Variants in ILDR2 observed in about 807,000 individuals in gnomAD.
The protein encoded by ILDR2 is immunoglobulin like domain containing receptor 2, also known as immunoglobulin-like domain-containing receptor 2.
Under a neutral mutation model 66.8 loss-of-function variants are expected in ILDR2, and 25 were observed. That is an observed-to-expected ratio of 0.37 (90% CI 0.27 to 0.52). The LOEUF is 0.52. Ranked by LOEUF, ILDR2 falls within the 20% of genes least tolerant of loss-of-function variation. ILDR2 has a pLI of 0.88. For synonymous variants in ILDR2, 367 were observed against 357.2 expected (o/e 1.03, Z -0.31); for missense variants, 827 against 876.8 (o/e 0.94, Z 0.72).
chr1:166,917,686 G>A lies in ILDR2; in HGVS notation c.*1669C>T, dbSNP rs1659696127. The A allele has an allele frequency of 6.6e-6, 1 of 152,218 alleles. No individual in the cohort carries two copies. Among genetic ancestry groups the A allele is most frequent in the African/African-American group, 2.4e-5 (1 of 41,448 alleles). 9.4% of individuals were successfully genotyped at this position (152,218 alleles called of 1,614,324 possible). ...AACGAGTCAGGTTTGTTCTTAAAGAGAAATGAACATAAAGAATGCACCAAC... is the reference window on the plus strand; with the variant it reads ...AACGAGTCAGGTTTGTTCTTAAAGAAAAATGAACATAAAGAATGCACCAAC... On this transcript the variant is annotated 3_prime_UTR_variant, in exon 10 of 10. Coordinates refer to ENST00000271417, the MANE Select transcript of ILDR2 (RefSeq NM_199351.3).
At chr1:166,969,741 A>C (rs1052549977) in intron 1 of ILDR2, among the ~76,000 whole-genome samples, 2 of 152,230 alleles carry the variant, frequency 1.3e-5, no homozygotes, top group African/African-American at 4.8e-5. Flanking sequence ...TGTTCACCTA[A>C]ATCAGGAGTT....
intron 2 of ILDR2, among the ~76,000 whole-genome samples, chr1:166,900,072 T>C (rs1176771756): frequency 2.0e-5 from 3 of 152,182 alleles, no homozygotes; most frequent in African/African-American, 4.8e-5. Context: ...TGTCAGTATA[T>C]ATCTCTCTCC....
intron 3 of ILDR2, among the ~76,000 whole-genome samples, chr1:166,949,208 T>C (rs1195793173): frequency 2.0e-5 from 3 of 152,258 alleles, no homozygotes; most frequent in African/African-American, 7.2e-5. Context: ...ACCCACTAGA[T>C]GCCACAGCAT....
chr1:166,966,978 C>T (rs1024143485), intron 1 of ILDR2, among the ~76,000 whole-genome samples: 1 of 152,236 alleles, frequency 6.6e-6, no homozygotes, highest in Non-Finnish European at 1.5e-5. Context: ...GTTATGCAAG[C>T]ACCTCAAACT....
At chr1:166,946,534 C>T (rs1043308100) in intron 3 of ILDR2, among the ~76,000 whole-genome samples, 2 of 152,132 alleles carry the variant, frequency 1.3e-5, no homozygotes, top group Admixed American at 1.3e-4. Context: ...GCCTAAGGAG[C>T]TGACTTCTAT....
At chr1:166,959,977 T>C (rs1340192497) in intron 1 of ILDR2, among the ~76,000 whole-genome samples, 1 of 152,184 alleles carries the variant, frequency 6.6e-6, no homozygotes, top group Non-Finnish European at 1.5e-5. Flanking sequence ...TTAGTGCCAG[T>C]GTTCACAATG....
intron 8 of ILDR2, 92 bp downstream of exon 8, chr1:166,922,501 C>A (rs1660010636): frequency 2.2e-6 from 2 of 907,166 alleles, no homozygotes; most frequent in Non-Finnish European, 1.8e-6. Flanking sequence ...GACAGAGATG[C>A]TACTGGATGG....
At chr1:166,974,851 G>C (rs1663500934) in intron 1 of ILDR2, among the ~76,000 whole-genome samples, 1 of 152,140 alleles carries the variant, frequency 6.6e-6, no homozygotes, top group African/African-American at 2.4e-5. Flanking sequence ...ATTCCAGCCA[G>C]GCTTTTCACA....
rs1571223315 is a variant in ILDR2, at chr1:166,973,122, T to C, written c.46+2101A>G. Among the ~76,000 whole-genome samples, 4 of 152,172 alleles carry C rather than the reference T, an allele frequency of 2.6e-5. No individual in the cohort carries two copies. The South Asian group carries it at 8.3e-4, about 32-fold the overall frequency. ...ATCAATGGGATCCCAGGAGTCAGTC[T>C]CACTTTTGGAGCAAAGAATCCCCAG... On this transcript the variant is annotated intron_variant, in intron 1 of 9. Coordinates refer to ENST00000271417, the MANE Select transcript of ILDR2 (RefSeq NM_199351.3).
intron 1 of ILDR2, among the ~76,000 whole-genome samples, chr1:166,964,508 A>G (rs532949517): frequency 1.3e-5 from 2 of 152,226 alleles, no homozygotes; most frequent in Non-Finnish European, 2.9e-5. Context: ...GTGAAGCTAA[A>G]AAATGTGGAA....
At chr1:166,948,289 T>C (rs1661760305) in intron 3 of ILDR2, among the ~76,000 whole-genome samples, 1 of 152,110 alleles carries the variant, frequency 6.6e-6, no homozygotes, top group Admixed American at 6.5e-5. Context: ...ACAGTTCCGG[T>C]TTATGCCTGT....
intron 3 of ILDR2, among the ~76,000 whole-genome samples, chr1:166,948,930 A>G (rs866607425): frequency 9.9e-5 from 15 of 152,182 alleles, no homozygotes; most frequent in Middle Eastern, 3.2e-3. Context: ...TGTAAATTTT[A>G]TTACCCCTCC....
rs149710395 is a variant in ILDR2, at chr1:166,927,166, G to A, written c.895C>T (p.Arg299Trp). Residue 299 changes from arginine (R) to tryptophan (W), a missense_variant, in exon 7 of 10, where the codon CGG becomes TGG. Transcript: ENST00000271417. Reference sequence around the variant, plus strand: ...TCTCTCTCTTTGTCAGCCTGGATCCGGTAACCTTTGCGAACTGTTGAGAAA... The same window carrying A: ...TCTCTCTCTTTGTCAGCCTGGATCCAGTAACCTTTGCGAACTGTTGAGAAA... The part of the protein sequence containing the change: ...GGSHSVRKGY[R>W]IQADKERDSM... 3.7e-6 allele frequency: 6 copies of A among 1,612,494 alleles called. No homozygotes were observed. Among genetic ancestry groups the A allele is most frequent in the East Asian group, 4.5e-5 (2 of 44,802 alleles).
At chr1:166,943,887 A>G (rs1418067316) in intron 3 of ILDR2, 4 of 974,484 alleles carry the variant, frequency 4.1e-6, no homozygotes, top group African/African-American at 1.8e-5. Flanking sequence ...AGAAGGCCAC[A>G]TTTACTCTTT....
intron 3 of ILDR2, among the ~76,000 whole-genome samples, chr1:166,948,038 C>A (rs1304277813): frequency 6.6e-6 from 1 of 152,104 alleles, no homozygotes; most frequent in Non-Finnish European, 1.5e-5. Flanking sequence ...TACGTCAAAC[C>A]CCCACCTCTT....
At chr1:166,971,572 C>T (rs975999802) in intron 1 of ILDR2, among the ~76,000 whole-genome samples, 1 of 152,174 alleles carries the variant, frequency 6.6e-6, no homozygotes, top group Non-Finnish European at 1.5e-5. Flanking sequence ...GCAATCCTCC[C>T]ACTCAGGCCC....
intron 6 of ILDR2, among the ~76,000 whole-genome samples, chr1:166,930,637 C>G (rs1191210319): frequency 6.6e-6 from 1 of 152,150 alleles, no homozygotes; most frequent in Non-Finnish European, 1.5e-5. Flanking sequence ...ACCAGAAAAC[C>G]TTTCCTGGTC....
chr1:166,973,863 G>A (rs1224233337), intron 1 of ILDR2, among the ~76,000 whole-genome samples: 1 of 152,122 alleles, frequency 6.6e-6, no homozygotes, highest in Non-Finnish European at 1.5e-5. Flanking sequence ...AAAAGAAGAG[G>A]CTAACTCTGC....
Sources: allele counts gnomAD v4.1 joint callset (sites outside exome capture counted in the v4.1 genomes callset), GRCh38; gene constraint gnomAD v4.1.1; transcripts MANE v1.5; gene names NCBI Gene and HGNC (gene_info 2026-07-23, HGNC 2026-07-21).